Variants in OLFM1 observed in about 807,000 individuals in gnomAD.
OLFM1 encodes the protein olfactomedin 1.
A neutral mutation model predicts 49.7 loss-of-function variants in OLFM1; 9 were observed. That is an observed-to-expected ratio of 0.18 (90% CI 0.11 to 0.32). The LOEUF is 0.32. Ranked by LOEUF, OLFM1 falls within the 10% of genes least tolerant of loss-of-function variation. The probability of loss-of-function intolerance (pLI) is 1.00; values close to 1 mark genes in which losing one functional copy is unlikely to be tolerated. For synonymous variants in OLFM1, 240 were observed against 271.8 expected, an observed-to-expected ratio of 0.88 and a Z score of 1.15; for missense variants, 369 against 661.8, an observed-to-expected ratio of 0.56 and a Z score of 4.85.
At chr9:135,083,107 C>T (rs1038573951), upstream of OLFM1, among the ~76,000 whole-genome samples, 3 of 152,184 alleles carry the variant, frequency 2.0e-5, no homozygotes, top group African/African-American at 7.2e-5. Flanking sequence ...AACCGGGCTG[C>T]CTTTCCCAAT....
intron 2 of OLFM1, chr9:135,095,336 C>G (rs1197819706): frequency 1.3e-5 from 2 of 152,718 alleles, no homozygotes; most frequent in African/African-American, 4.8e-5. Context: ...TTCCTTCACT[C>G]TGCACTTAAG....
At chr9:135,115,838 G>A (rs188016846) in intron 5 of OLFM1, among the ~76,000 whole-genome samples, 299 of 152,318 alleles carry the variant, frequency 2.0e-3, no homozygotes, top group African/African-American at 6.8e-3. Context: ...CTGGGTGCAC[G>A]GGCTCATGTG....
chr9:135,119,479 A>C (rs751201392), intron 5 of OLFM1, 25 bp from the exon 6 acceptor site: 1 of 1,571,652 alleles, frequency 6.4e-7, no homozygotes, highest in Admixed American at 1.8e-5. Context: ...GGAAGTGCTC[A>C]CCACCGGGTC....
At chr9:135,095,702 C>T (rs1483291332) in intron 2 of OLFM1, among the ~76,000 whole-genome samples, 162 bp from the exon 3 acceptor site, 4 of 152,166 alleles carry the variant, frequency 2.6e-5, no homozygotes, top group Non-Finnish European at 2.9e-5. Context: ...TCAGTCCTCA[C>T]AGTCCGCGAT....
intron 2 of OLFM1, among the ~76,000 whole-genome samples, chr9:135,095,528 A>AGAG (rs1554753296): frequency 3.0e-5 from 3 of 99,428 alleles, no homozygotes; most frequent in African/African-American, 1.2e-4. Context: ...AAAAAAAAAA[A>AGAG]AAAGAGAGAG....
chr9:135,077,785 T>G (rs550853267), intron 1 of OLFM1, among the ~76,000 whole-genome samples: 4 of 152,322 alleles, frequency 2.6e-5, no homozygotes, highest in African/African-American at 9.6e-5. Flanking sequence ...CAGGCTGGCT[T>G]CTGATAATTG....
At chr9:135,101,803 G>A (rs991957143) in intron 4 of OLFM1, among the ~76,000 whole-genome samples, 1 of 152,236 alleles carries the variant, frequency 6.6e-6, no homozygotes, top group African/African-American at 2.4e-5. Context: ...CTCTACCCAT[G>A]GAGCTCCCGG....
At chr9:135,093,589 GC>G (rs1216889887) in intron 2 of OLFM1, among the ~76,000 whole-genome samples, 1 of 152,140 alleles carries the variant, frequency 6.6e-6, no homozygotes, top group African/African-American at 2.4e-5. Flanking sequence ...TGTGTTGCTG[GC>G]CCCCCTCCCG....
At position 135,119,698 on chromosome 9, in the gene OLFM1, G is replaced by A; in HGVS notation, c.978G>A (p.Lys326=). Residue 326 remains lysine, a synonymous_variant, in exon 6 of 6, where the codon AAG becomes AAA. Coordinates refer to ENST00000371793, the MANE Select transcript of OLFM1 (RefSeq NM_001282611.2). Reference sequence around the variant, plus strand: ...ACATCATCATCAGGTTTGACCTGAAGACAGAGACCATCCTCAAGACCCGCA... The same window carrying A: ...ACATCATCATCAGGTTTGACCTGAAAACAGAGACCATCCTCAAGACCCGCA... ...QSHIIIRFDL[K]TETILKTRSL... 1 of 1,614,170 alleles carries A rather than the reference G, an allele frequency of 6.2e-7. No homozygotes were observed.
rs1177943967 is a variant in OLFM1, at chr9:135,091,717, TCA to T, written c.300+1379_300+1380del. 8.5e-5 allele frequency among the ~76,000 whole-genome samples: 3 copies of T among 35,268 alleles called. No individual in the cohort carries two copies. The East Asian group carries it at 2.2e-3, about 25-fold the overall frequency. The allele number at this position is 35,268 out of a possible 152,430, so 23.1% of individuals were successfully genotyped here. ...CACACACAGTCACACTCACACATAG[TCA>T]CACACTCATAGTCACACACACCCAC... is the stretch of plus-strand genomic sequence containing the variant. On this transcript the variant is annotated intron_variant, in intron 2 of 5. Coordinates refer to ENST00000371793, the MANE Select transcript of OLFM1 (RefSeq NM_001282611.2).
chr9:135,087,693 C>T lies in OLFM1; in HGVS notation c.-297C>T. 2.4e-6 allele frequency: 1 copy of T among 422,670 alleles called. No individual in the cohort carries two copies. 26.2% of individuals were successfully genotyped at this position (422,670 alleles called of 1,614,324 possible). ...AGAGCCGGACGGCGCTTCCCGGTGG[C>T]GGCGGAGGAGCCCGGAGGGACGCAG... On this transcript the variant is annotated 5_prime_UTR_variant, in exon 1 of 6. Transcript: ENST00000371793.
chr9:135,086,876 C>A (rs1349789391), upstream of OLFM1, among the ~76,000 whole-genome samples: 2 of 152,186 alleles, frequency 1.3e-5, no homozygotes, highest in Non-Finnish European at 2.9e-5. Flanking sequence ...GACCCCAGTC[C>A]CCGCCCCACA....
chr9:135,100,155 C>T (rs1027867264), intron 4 of OLFM1, among the ~76,000 whole-genome samples: 1 of 152,146 alleles, frequency 6.6e-6, no homozygotes, highest in African/African-American at 2.4e-5. Context: ...AGACAGGGCA[C>T]ATCATGGAGA....
chr9:135,098,362 T>C lies in OLFM1; in HGVS notation c.533T>C (p.Val178Ala). The part of the protein sequence containing the change: ...LEEYKADAKL[V>A]LQFKEEVQNL... ...GAGTACAAGGCCGATGCCAAATTGG[T>C]ATTGCAGTTTAAAGAGGAGGTCCAG... The change falls in exon 4 of 6, where the codon GTA becomes GCA. Residue 178 changes from valine (V) to alanine (A), a missense_variant. Physicochemically the swap from Val to Ala is moderately conservative, Grantham distance 64. This residue lies in a region of OLFM1 where 294 missense variants were observed against 567.5 expected (regional missense o/e 0.52). Coordinates refer to ENST00000371793, the MANE Select transcript of OLFM1 (RefSeq NM_001282611.2). This position sits in a 1 kb window ranked among gnomAD's most constrained non-coding sequence, Gnocchi z 5.6. 6.2e-7 allele frequency: 1 copy of C among 1,613,880 alleles called. No individual in the cohort carries two copies. Among genetic ancestry groups the C allele is most frequent in the Non-Finnish European group, 8.5e-7 (1 of 1,180,034 alleles).
At chr9:135,078,538 G>A (rs1197989062) in intron 1 of OLFM1, among the ~76,000 whole-genome samples, 2 of 152,262 alleles carry the variant, frequency 1.3e-5, no homozygotes, top group East Asian at 3.8e-4. Context: ...GTGGGGCCAG[G>A]TGAACTTTGT....
At chr9:135,119,052 C>T (rs1358837003) in intron 5 of OLFM1, among the ~76,000 whole-genome samples, 1 of 150,684 alleles carries the variant, frequency 6.6e-6, no homozygotes, top group African/African-American at 2.4e-5. Context: ...TGGAAGTGCT[C>T]ACTGGATCTT....
At chr9:135,076,126 G>A in intron 1 of OLFM1, 1 of 1,548,650 alleles carries the variant, frequency 6.5e-7, no homozygotes, top group Non-Finnish European at 8.7e-7. Flanking sequence ...GGCTGCTATT[G>A]TCATCTGGAG....
intron 2 of OLFM1, among the ~76,000 whole-genome samples, chr9:135,091,812 CA>C (rs1830713694): frequency 2.0e-5 from 3 of 150,308 alleles, no homozygotes; most frequent in Admixed American, 2.0e-4. Context: ...CACACACTCA[CA>C]TAGTCACACA....
chr9:135,107,772 C>A (rs772371064), intron 5 of OLFM1, among the ~76,000 whole-genome samples: 5 of 152,206 alleles, frequency 3.3e-5, no homozygotes, highest in Admixed American at 6.5e-5. Context: ...TGCCCTGGGC[C>A]GACTGAGAAA....
Sources: gnomAD v4.1 joint callset for allele counts (sites outside exome capture counted in the v4.1 genomes callset) on GRCh38, gnomAD v4.1.1 for gene constraint, gnomAD v4.1.1 regional missense constraint, Gnocchi (gnomAD v3.1) non-coding constraint, MANE v1.5 for transcripts, NCBI Gene and HGNC (gene_info 2026-07-23, HGNC 2026-07-21) for gene names.